Variants in SLC13A3 observed in about 807,000 individuals in gnomAD.
The protein encoded by SLC13A3 is Na(+)/dicarboxylate cotransporter 3.
Under a neutral mutation model 59.0 loss-of-function variants are expected in SLC13A3, and 40 were observed. That is an observed-to-expected ratio of 0.68 (90% CI 0.53 to 0.88). SLC13A3 has a LOEUF of 0.88. Ranked by LOEUF, SLC13A3 falls within the 40% of genes least tolerant of loss-of-function variation. The pLI is 0.00. For missense variants in SLC13A3, 699 were observed against 783.2 expected, an observed-to-expected ratio of 0.89 and a Z score of 1.28; for synonymous variants, 317 against 330.3, an observed-to-expected ratio of 0.96 and a Z score of 0.44.
chr20:46,683,311 A>C (rs2063162579), intron 1 of SLC13A3, among the ~76,000 whole-genome samples: 1 of 152,246 alleles, frequency 6.6e-6, no homozygotes. Context: ...GGAAGCTTGC[A>C]CGGGGGAATG....
At chr20:46,657,377 A>T (rs1302152357) in intron 1 of SLC13A3, among the ~76,000 whole-genome samples, 2 of 152,064 alleles carry the variant, frequency 1.3e-5, no homozygotes, top group Non-Finnish European at 2.9e-5. Context: ...TGTCTCAAAA[A>T]AAAAAAAAAG....
chr20:46,643,221 T>C (rs1484850789), intron 1 of SLC13A3, among the ~76,000 whole-genome samples: 2 of 151,434 alleles, frequency 1.3e-5, no homozygotes, highest in African/African-American at 4.9e-5. Flanking sequence ...TTAATATAGA[T>C]AATGCACCAG....
chr20:46,596,768 C>T (rs977309052), intron 4 of SLC13A3, among the ~76,000 whole-genome samples: 1 of 152,126 alleles, frequency 6.6e-6, no homozygotes, highest in Non-Finnish European at 1.5e-5. Flanking sequence ...ACTTATGTTG[C>T]AGCTGGGCGT....
At chr20:46,668,370 A>G (rs976449367) in intron 1 of SLC13A3, among the ~76,000 whole-genome samples, 1 of 152,234 alleles carries the variant, frequency 6.6e-6, no homozygotes, top group African/African-American at 2.4e-5. Flanking sequence ...CTTATTCCTG[A>G]TAGGGAGAAA....
intron 3 of SLC13A3, among the ~76,000 whole-genome samples, chr20:46,604,643 G>A (rs1160171137): frequency 6.6e-6 from 1 of 152,108 alleles, no homozygotes; most frequent in Non-Finnish European, 1.5e-5. Flanking sequence ...GTGGCTGGCT[G>A]TGTCATTTTT....
intron 1 of SLC13A3, among the ~76,000 whole-genome samples, chr20:46,683,295 G>A (rs1284253295): frequency 6.6e-6 from 1 of 152,178 alleles, no homozygotes; most frequent in Non-Finnish European, 1.5e-5. Context: ...CATAGATAAG[G>A]AAGCTGGAAG....
intron 3 of SLC13A3, 36 bp from the exon 4 acceptor site, chr20:46,600,073 T>C: frequency 6.6e-7 from 1 of 1,520,978 alleles, no homozygotes; most frequent in Non-Finnish European, 9.0e-7. Flanking sequence ...TAATGTAATG[T>C]AGCGAATGGA....
intron 3 of SLC13A3, among the ~76,000 whole-genome samples, chr20:46,607,074 A>T (rs2062443819): frequency 6.6e-6 from 1 of 152,208 alleles, no homozygotes; most frequent in Admixed American, 6.5e-5. Context: ...CAGATTCTGG[A>T]TTCTGACAGA....
chr20:46,623,122 C>A (rs1305254171), intron 1 of SLC13A3, among the ~76,000 whole-genome samples: 1 of 152,092 alleles, frequency 6.6e-6, no homozygotes, highest in Non-Finnish European at 1.5e-5. Context: ...GACAGGATAA[C>A]CCTGTTACCT....
At chr20:46,667,872 T>C (rs1002706972) in intron 1 of SLC13A3, among the ~76,000 whole-genome samples, 4 of 152,258 alleles carry the variant, frequency 2.6e-5, no homozygotes, top group African/African-American at 9.6e-5. Flanking sequence ...TTGGTAATCT[T>C]GCACAATTTC....
intron 1 of SLC13A3, among the ~76,000 whole-genome samples, chr20:46,676,411 C>CTTTTT (rs543970617): frequency 2.8e-5 from 3 of 108,516 alleles, no homozygotes; most frequent in Non-Finnish European, 5.5e-5. Context: ...TCTCTCAACT[C>CTTTTT]TTTTTTTTTT....
intron 12 of SLC13A3, among the ~76,000 whole-genome samples, chr20:46,560,900 A>G (rs1344532168): frequency 1.3e-5 from 2 of 152,196 alleles, no homozygotes; most frequent in African/African-American, 4.8e-5. Context: ...CCCAGGCTGA[A>G]TCACATGGTG....
At chr20:46,568,227 C>G (rs1375124325) in intron 10 of SLC13A3, among the ~76,000 whole-genome samples, 1 of 150,964 alleles carries the variant, frequency 6.6e-6, no homozygotes. Context: ...AACCCCATCT[C>G]TACTAAAAAA....
In SLC13A3 at chr20:46,559,914, A is replaced by G; in HGVS notation, c.*108T>C. The G allele has an allele frequency of 3.4e-6, 4 of 1,168,312 alleles. No homozygotes were observed. The highest frequency in any genetic ancestry group is 4.9e-6 in the Non-Finnish European group (4 of 815,302). The allele number at this position is 1,168,312 out of a possible 1,614,324, so 72.4% of individuals were successfully genotyped here. ...TGGAGGTCACCCTTGCTTGCTGCAT[A>G]TTGGATTACAGAAAAGAATTATTTG... is the stretch of plus-strand genomic sequence containing the variant. On this transcript the variant is annotated 3_prime_UTR_variant, in exon 13 of 13. Coordinates refer to ENST00000279027, the MANE Select transcript of SLC13A3 (RefSeq NM_022829.6).
intron 9 of SLC13A3, chr20:46,583,139 A>T (rs1468103967): frequency 1.6e-5 from 14 of 886,128 alleles, no homozygotes; most frequent in Non-Finnish European, 1.9e-5. Flanking sequence ...CCAAGAGGCA[A>T]AATTGAGGCT....
chr20:46,645,169 T>C (rs1429943977), intron 1 of SLC13A3, among the ~76,000 whole-genome samples: 1 of 152,184 alleles, frequency 6.6e-6, no homozygotes, highest in African/African-American at 2.4e-5. Flanking sequence ...TCTGCTTCCA[T>C]CATCCTATTA....
chr20:46,675,537 T>C (rs915465751), intron 1 of SLC13A3, among the ~76,000 whole-genome samples: 2 of 149,528 alleles, frequency 1.3e-5, no homozygotes, highest in Non-Finnish European at 3.0e-5. Context: ...CGAGCAACCA[T>C]GCCCGGCCCC....
rs570145942 is a variant in SLC13A3 at position 46,617,804 on chromosome 20, T to G, written c.112-4079A>C. Among the ~76,000 whole-genome samples, 6 of 152,270 alleles carry G rather than the reference T, an allele frequency of 3.9e-5. No individual in the cohort carries two copies. In the South Asian group the frequency reaches 1.0e-3, roughly 26 times the overall value. ...GCATCACATTCTGCGCAAAACTGAC[T>G]TTCTTCCACCCATGCTTGGTATCCT... On this transcript the variant is annotated intron_variant, in intron 1 of 12. Coordinates refer to ENST00000279027, the MANE Select transcript of SLC13A3 (RefSeq NM_022829.6).
intron 10 of SLC13A3, among the ~76,000 whole-genome samples, chr20:46,574,781 T>TATAG: frequency 6.6e-6 from 1 of 152,106 alleles, no homozygotes; most frequent in Admixed American, 6.5e-5. Flanking sequence ...GTATCTACCT[T>TATAG]CTAGCTTTGT....
Sources: allele counts gnomAD v4.1 joint callset (sites outside exome capture counted in the v4.1 genomes callset), GRCh38; gene constraint gnomAD v4.1.1; transcripts MANE v1.5; gene names NCBI Gene and HGNC (gene_info 2026-07-23, HGNC 2026-07-21).